The following GRM8 variants were observed in gnomAD, a reference collection of about 807,000 sequenced individuals.
GRM8 encodes the protein metabotropic glutamate receptor 8.
A neutral mutation model predicts 87.2 loss-of-function variants in GRM8; 47 were observed. The ratio of observed to expected loss-of-function variants is 0.54; its 90% CI spans 0.43 to 0.69. The LOEUF is 0.69. Ranked by LOEUF, GRM8 falls within the 30% of genes least tolerant of loss-of-function variation. The probability of loss-of-function intolerance (pLI) is 0.00; values close to 1 mark genes in which losing one functional copy is unlikely to be tolerated. For synonymous variants in GRM8, 396 were observed against 404.5 expected (o/e 0.98, Z 0.25); for missense variants, 1,019 against 1,139.2 (o/e 0.89, Z 1.52).
chr7:127,171,966 C>T (rs1793827614), intron 2 of GRM8, among the ~76,000 whole-genome samples: 1 of 151,950 alleles, frequency 6.6e-6, no homozygotes. Flanking sequence ...ACTTATGATA[C>T]TCCATATTCT....
chr7:126,633,109 A>G (rs1309081229), intron 7 of GRM8, among the ~76,000 whole-genome samples: 1 of 152,120 alleles, frequency 6.6e-6, no homozygotes, highest in Non-Finnish European at 1.5e-5. Context: ...AAGAAAAGTT[A>G]TATTTTGGTA....
At chr7:126,457,419 G>T (rs898826919) in intron 9 of GRM8, among the ~76,000 whole-genome samples, 2 of 151,300 alleles carry the variant, frequency 1.3e-5, no homozygotes, top group Non-Finnish European at 3.0e-5. Flanking sequence ...CTATTAAATT[G>T]TACAGAAAAA....
intron 2 of GRM8, among the ~76,000 whole-genome samples, chr7:127,211,883 C>T (rs577591244): frequency 7.2e-5 from 11 of 152,260 alleles, no homozygotes; most frequent in Middle Eastern, 3.4e-3. Context: ...GTTATAGCAA[C>T]GGGAACAGAC....
intron 7 of GRM8, among the ~76,000 whole-genome samples, chr7:126,645,164 A>C (rs553289642): frequency 6.6e-6 from 1 of 152,362 alleles, no homozygotes; most frequent in Non-Finnish European, 1.5e-5. Context: ...AAAGGCCACA[A>C]GAATAGGATT....
chr7:126,470,531 T>A (rs547623397), intron 9 of GRM8, among the ~76,000 whole-genome samples: 1 of 152,230 alleles, frequency 6.6e-6, no homozygotes, highest in East Asian at 1.9e-4. Context: ...CATCATTTTT[T>A]ATGGCTGCAT....
At chr7:127,077,156 A>T (rs1249541706) in intron 3 of GRM8, among the ~76,000 whole-genome samples, 1 of 152,060 alleles carries the variant, frequency 6.6e-6, no homozygotes, top group Admixed American at 6.6e-5. Context: ...ATGTGTCTGT[A>T]TCTGTGCTGA....
intron 6 of GRM8, among the ~76,000 whole-genome samples, chr7:126,788,276 G>A: frequency 6.6e-6 from 1 of 151,500 alleles, no homozygotes. Context: ...TGGGCCTGGT[G>A]GTGGGCACCT....
At chr7:126,649,775 A>C (rs1232610528) in intron 7 of GRM8, among the ~76,000 whole-genome samples, 2 of 152,126 alleles carry the variant, frequency 1.3e-5, no homozygotes, top group African/African-American at 4.8e-5. Flanking sequence ...AGTGACCCAA[A>C]AGGCTGCCAG....
chr7:127,137,587 A>T (rs2133252012), intron 2 of GRM8, among the ~76,000 whole-genome samples: 1 of 152,158 alleles, frequency 6.6e-6, no homozygotes, highest in East Asian at 1.9e-4. Flanking sequence ...TCCTTCTTTA[A>T]ACTTACGTAG....
rs1278191716 is a variant in GRM8 at position 127,111,953 on chromosome 7, G to A, written c.511-5241C>T. On this transcript the variant is annotated intron_variant, in intron 2 of 10. Transcript: ENST00000339582. Reference sequence around the variant, plus strand: ...TGAGACAAGAGAATCACTTGAACCCGAGAGGCAGAGGTTGCAGGGAGCCGA... The same window carrying A: ...TGAGACAAGAGAATCACTTGAACCCAAGAGGCAGAGGTTGCAGGGAGCCGA... Among the ~76,000 whole-genome samples the A allele has an allele frequency of 2.0e-5, 3 of 151,824 alleles. No individual in the cohort carries two copies. In the South Asian group the frequency reaches 6.2e-4, roughly 32 times the overall value.
chr7:126,608,731 C>G (rs1015260628), intron 8 of GRM8, among the ~76,000 whole-genome samples: 1 of 151,806 alleles, frequency 6.6e-6, no homozygotes, highest in Non-Finnish European at 1.5e-5. Context: ...GAAGGTCTCC[C>G]CTTGTGATGT....
At chr7:127,134,610 G>GAGAA (rs1254404034) in intron 2 of GRM8, among the ~76,000 whole-genome samples, 2 of 152,044 alleles carry the variant, frequency 1.3e-5, no homozygotes, top group Admixed American at 6.6e-5. Flanking sequence ...AAATTTTAAA[G>GAGAA]AGAAAAAATT....
chr7:126,737,000 T>C (rs986289323), intron 7 of GRM8, among the ~76,000 whole-genome samples: 5 of 152,090 alleles, frequency 3.3e-5, no homozygotes, highest in Non-Finnish European at 5.9e-5. Flanking sequence ...GAACTTTGTT[T>C]ATAGTTTAAA....
At chr7:126,803,573 A>G (rs931984394) in intron 6 of GRM8, among the ~76,000 whole-genome samples, 6 of 152,204 alleles carry the variant, frequency 3.9e-5, no homozygotes, top group African/African-American at 9.6e-5. Flanking sequence ...CAGAGCTTAC[A>G]TTCTTCCACA....
intron 8 of GRM8, among the ~76,000 whole-genome samples, chr7:126,563,225 G>C (rs1267011670): frequency 6.6e-6 from 1 of 151,622 alleles, no homozygotes; most frequent in East Asian, 1.9e-4. Flanking sequence ...TTAAATTCTT[G>C]ATATTTTGAA....
At chr7:126,928,738 A>T (rs1363574638) in intron 3 of GRM8, among the ~76,000 whole-genome samples, 1 of 152,130 alleles carries the variant, frequency 6.6e-6, no homozygotes, top group African/African-American at 2.4e-5. Flanking sequence ...TACATAAAAT[A>T]GTTCATCTTG....
intron 3 of GRM8, among the ~76,000 whole-genome samples, chr7:126,925,244 G>A (rs1286233082): frequency 2.0e-5 from 3 of 152,088 alleles, no homozygotes; most frequent in African/African-American, 7.2e-5. Context: ...GCACAACATG[G>A]GCATAAAACT....
At chr7:126,743,973 G>A (rs1431554163) in intron 7 of GRM8, among the ~76,000 whole-genome samples, 2 of 152,028 alleles carry the variant, frequency 1.3e-5, no homozygotes, top group African/African-American at 4.8e-5. Context: ...AGACAGTGGT[G>A]CCGAACTACA....
intron 7 of GRM8, among the ~76,000 whole-genome samples, chr7:126,757,881 T>A (rs1049152132): frequency 9.2e-5 from 14 of 152,192 alleles, no homozygotes; most frequent in Non-Finnish European, 2.1e-4. Context: ...TGAGGCCAGA[T>A]ATATTCATAT....
Sources: allele counts gnomAD v4.1 joint callset (sites outside exome capture counted in the v4.1 genomes callset), GRCh38; gene constraint gnomAD v4.1.1; transcripts MANE v1.5; gene names NCBI Gene and HGNC (gene_info 2026-07-23, HGNC 2026-07-21).